CDH12: variants seen among roughly 807,000 people sequenced by gnomAD.
CDH12 encodes the protein cadherin-12.
In CDH12, 41 loss-of-function variants were observed where a neutral mutation model predicts 74.1. That is an observed-to-expected ratio of 0.55 (90% CI 0.43 to 0.72). The LOEUF (loss-of-function observed/expected upper bound fraction) is 0.72. CDH12 is among the 30% of genes least tolerant of loss of function. The probability of loss-of-function intolerance (pLI) is 0.00; values close to 1 mark genes in which losing one functional copy is unlikely to be tolerated. For missense variants in CDH12, 945 were observed against 977.2 expected (o/e 0.97, Z 0.44); for synonymous variants, 399 against 355.0 (o/e 1.12, Z -1.39).
At chr5:22,332,511 C>G (rs1258126379) in intron 3 of CDH12, among the ~76,000 whole-genome samples, 1 of 152,096 alleles carries the variant, frequency 6.6e-6, no homozygotes, top group East Asian at 1.9e-4. Flanking sequence ...AAAGAACTAA[C>G]ATCAGAGTGA....
intron 2 of CDH12, among the ~76,000 whole-genome samples, chr5:22,426,123 T>C (rs1580636688): frequency 6.7e-6 from 1 of 150,324 alleles, no homozygotes; most frequent in African/African-American, 2.5e-5. Context: ...GGAGGCAGAG[T>C]TTGCAGTGAG....
intron 1 of CDH12, among the ~76,000 whole-genome samples, chr5:22,819,649 A>G (rs1248672527): frequency 1.3e-5 from 2 of 151,888 alleles, no homozygotes; most frequent in East Asian, 3.8e-4. Flanking sequence ...ACATCAGAAA[A>G]TAAATGACCA....
At chr5:22,500,864 G>T (rs746484959) in intron 2 of CDH12, among the ~76,000 whole-genome samples, 6 of 152,006 alleles carry the variant, frequency 3.9e-5, no homozygotes, top group Non-Finnish European at 5.9e-5. Flanking sequence ...ACTAAATTAT[G>T]GATTGTTGTC....
At chr5:22,365,988 T>TTG (rs1741014426) in intron 3 of CDH12, among the ~76,000 whole-genome samples, 1 of 152,184 alleles carries the variant, frequency 6.6e-6, no homozygotes, top group African/African-American at 2.4e-5. Context: ...AGACTGAGTC[T>TTG]AGCTTTGTCA....
chr5:21,934,314 T>C (rs1418694246), intron 6 of CDH12, among the ~76,000 whole-genome samples: 1 of 152,164 alleles, frequency 6.6e-6, no homozygotes, highest in African/African-American at 2.4e-5. Context: ...TCTCACAAGA[T>C]CTAGTTGTTT....
chr5:22,181,713 A>G (rs1348804653), intron 4 of CDH12, among the ~76,000 whole-genome samples: 1 of 152,062 alleles, frequency 6.6e-6, no homozygotes, highest in African/African-American at 2.4e-5. Context: ...TGTTTCTTCC[A>G]TCAATATCTG....
At chr5:22,687,488 A>G (rs972052172) in intron 1 of CDH12, among the ~76,000 whole-genome samples, 2 of 152,072 alleles carry the variant, frequency 1.3e-5, no homozygotes, top group Middle Eastern at 3.4e-3. Context: ...TTTCACAGCA[A>G]CCTTAGCTTC....
chr5:22,555,697 T>C (rs1738772745), intron 1 of CDH12, among the ~76,000 whole-genome samples: 1 of 152,080 alleles, frequency 6.6e-6, no homozygotes, highest in South Asian at 2.1e-4. Context: ...ATGTGTGCTT[T>C]AGACCTATTT....
At chr5:22,769,521 G>C (rs1380830043) in intron 1 of CDH12, among the ~76,000 whole-genome samples, 1 of 152,040 alleles carries the variant, frequency 6.6e-6, no homozygotes, top group Non-Finnish European at 1.5e-5. Flanking sequence ...GCCACTACTG[G>C]CTTTCTACCT....
At chr5:22,714,935 C>T (rs1743493471) in intron 1 of CDH12, among the ~76,000 whole-genome samples, 1 of 152,152 alleles carries the variant, frequency 6.6e-6, no homozygotes, top group Non-Finnish European at 1.5e-5. Flanking sequence ...ACTGGTGCAT[C>T]TCGCAGAACG....
At chr5:22,742,016 A>C (rs935543832) in intron 1 of CDH12, among the ~76,000 whole-genome samples, 1 of 152,098 alleles carries the variant, frequency 6.6e-6, no homozygotes, top group Non-Finnish European at 1.5e-5. Flanking sequence ...CCCTGTCTCT[A>C]CTAAAAATAC....
intron 6 of CDH12, among the ~76,000 whole-genome samples, chr5:21,950,508 A>G (rs1755802344): frequency 6.6e-6 from 1 of 152,020 alleles, no homozygotes; most frequent in South Asian, 2.1e-4. Context: ...AAAGGCCTAT[A>G]GAAACCAACT....
At chr5:22,445,916 T>A (rs183058696) in intron 2 of CDH12, among the ~76,000 whole-genome samples, 3 of 152,312 alleles carry the variant, frequency 2.0e-5, no homozygotes, top group Admixed American at 2.0e-4. Flanking sequence ...TTGCTGTTTA[T>A]AATTAATATT....
intron 3 of CDH12, among the ~76,000 whole-genome samples, chr5:22,359,207 T>C (rs570162890): frequency 2.0e-5 from 3 of 152,042 alleles, no homozygotes; most frequent in Non-Finnish European, 4.4e-5. Flanking sequence ...GAGACACACA[T>C]AGGCTCAAAA....
intron 6 of CDH12, among the ~76,000 whole-genome samples, chr5:21,951,762 C>T (rs888087149): frequency 1.3e-5 from 2 of 152,220 alleles, no homozygotes; most frequent in Admixed American, 1.3e-4. Flanking sequence ...GCACTATCTT[C>T]ATTATGCAAA....
intron 5 of CDH12, among the ~76,000 whole-genome samples, chr5:22,034,064 G>C (rs886816894): frequency 3.3e-5 from 5 of 152,146 alleles, no homozygotes; most frequent in Non-Finnish European, 7.3e-5. Flanking sequence ...TTGTTTTTGA[G>C]ACAGAACCTC....
chr5:22,772,620 G>A (rs1326851256), intron 1 of CDH12, among the ~76,000 whole-genome samples: 1 of 151,880 alleles, frequency 6.6e-6, no homozygotes, highest in African/African-American at 2.4e-5. Context: ...TAAACAAGTT[G>A]CACATATTTC....
intron 1 of CDH12, among the ~76,000 whole-genome samples, chr5:22,777,339 G>A (rs555501300): frequency 4.6e-5 from 7 of 152,046 alleles, no homozygotes; most frequent in Admixed American, 6.6e-5. Flanking sequence ...TTGATACATT[G>A]TTTTGGTGAA....
chr5:22,349,789 C>T lies in CDH12; in HGVS notation c.-333+55468G>A, dbSNP rs950048582. Among the ~76,000 whole-genome samples, 6 of 152,166 alleles carry T rather than the reference C, an allele frequency of 3.9e-5. No individual in the cohort carries two copies. In the East Asian group the frequency reaches 1.2e-3, roughly 29 times the overall value. On this transcript the variant is annotated intron_variant, in intron 3 of 14. Coordinates refer to ENST00000382254, the MANE Select transcript of CDH12 (RefSeq NM_004061.5). ...TGGCTCTGTCGCCCAGGCTGGAGTGCAGTGGCGCAATCTCGGCTCACTGCA... is the reference window on the plus strand; with the variant it reads ...TGGCTCTGTCGCCCAGGCTGGAGTGTAGTGGCGCAATCTCGGCTCACTGCA...
Sources: allele counts gnomAD v4.1 joint callset (sites outside exome capture counted in the v4.1 genomes callset), GRCh38; gene constraint gnomAD v4.1.1; transcripts MANE v1.5; gene names NCBI Gene and HGNC (gene_info 2026-07-23, HGNC 2026-07-21).